Variants in TMEM233 observed in about 807,000 individuals in gnomAD.
TMEM233 encodes dispanin subfamily B member 2.
A neutral mutation model predicts 11.2 loss-of-function variants in TMEM233; 6 were observed. That is an observed-to-expected ratio of 0.54 (90% CI 0.29 to 1.06). The LOEUF (loss-of-function observed/expected upper bound fraction) is 1.06, where lower values mean the gene tolerates loss of function less well. TMEM233 is among the 50% of genes least tolerant of loss of function. The pLI, the probability that TMEM233 is intolerant of heterozygous loss-of-function variation, is 0.08. For synonymous variants in TMEM233, 59 were observed against 55.8 expected, an observed-to-expected ratio of 1.06 and a Z score of -0.26; for missense variants, 127 against 144.7, an observed-to-expected ratio of 0.88 and a Z score of 0.63.
At chr12:119,609,474 G>A (rs905454208) in intron 1 of TMEM233, among the ~76,000 whole-genome samples, 11 of 152,188 alleles carry the variant, frequency 7.2e-5, no homozygotes, top group Admixed American at 2.0e-4. Context: ...TGGGCAAAAT[G>A]TCTCCAGGGC....
At chr12:119,618,551 A>G (rs1954581040) in intron 1 of TMEM233, among the ~76,000 whole-genome samples, 1 of 152,230 alleles carries the variant, frequency 6.6e-6, no homozygotes, top group African/African-American at 2.4e-5. Context: ...AGGCCATGGG[A>G]ACACACCTCT....
rs1041490529 is a variant in TMEM233 at position 119,594,591 on chromosome 12, G to T, written c.186+557G>T. On this transcript the variant is annotated intron_variant, in intron 1 of 2. Transcript: ENST00000426426. The surrounding 1 kb of genome is among the most constrained non-coding windows in gnomAD (Gnocchi z 5.6). ...CACCGCTTCCGCCACTCTCCGGGGG[G>T]TCCCCAGGCGATTCCTGATGCCCCC... 15 of 153,668 alleles carry T rather than the reference G, an allele frequency of 9.8e-5. No homozygotes were observed. Among genetic ancestry groups the T allele is most frequent in the African/African-American group, 3.6e-4 (15 of 41,456 alleles). The allele number at this position is 153,668 out of a possible 1,614,324, so 9.5% of individuals were successfully genotyped here. A position where few individuals can be genotyped will look rare whatever the true frequency, so the allele number is the denominator to read the frequency against.
At chr12:119,639,179 A>G (rs1955030433) in intron 2 of TMEM233, among the ~76,000 whole-genome samples, 1 of 152,136 alleles carries the variant, frequency 6.6e-6, no homozygotes, top group Non-Finnish European at 1.5e-5. Context: ...CAAAGAGACT[A>G]TCCCTTTAGC....
rs148033911 is a variant in TMEM233, at chr12:119,597,752, A to G, written c.186+3718A>G. ...ACATGTCATGTGGTATTGGATGTTG[A>G]TGGGTCAAGCATTGTCAGGGACACA... On this transcript the variant is annotated intron_variant, in intron 1 of 2. Transcript: ENST00000426426. 2.6e-5 allele frequency among the ~76,000 whole-genome samples: 4 copies of G among 152,282 alleles called. No individual in the cohort carries two copies. The East Asian group carries it at 7.7e-4, about 29-fold the overall frequency.
At position 119,594,619 on chromosome 12, in the gene TMEM233, C is replaced by T. The variant is rs1953995692; in HGVS notation, c.186+585C>T. 1 of 153,232 alleles carries T rather than the reference C, an allele frequency of 6.5e-6. No individual in the cohort carries two copies. The highest frequency in any genetic ancestry group is 6.5e-5 in the Admixed American group (1 of 15,332). 9.5% of individuals were successfully genotyped at this position (153,232 alleles called of 1,614,324 possible). A position where few individuals can be genotyped will look rare whatever the true frequency, so the allele number is the denominator to read the frequency against. Reference sequence around the variant, plus strand: ...CCCAGGCGATTCCTGATGCCCCCTCCTTGATCCCGTTTCCGCGCTTTGGCA... The same window carrying T: ...CCCAGGCGATTCCTGATGCCCCCTCTTTGATCCCGTTTCCGCGCTTTGGCA... On this transcript the variant is annotated intron_variant, in intron 1 of 2. Transcript: ENST00000426426. This position sits in a 1 kb window ranked among gnomAD's most constrained non-coding sequence, Gnocchi z 5.6.
chr12:119,640,600 GTCA>G, intron 2 of TMEM233, 96 bp from the exon 3 acceptor site: 2 of 1,344,364 alleles, frequency 1.5e-6, no homozygotes, highest in Non-Finnish European at 2.1e-6. Context: ...TTTAACCAGA[GTCA>G]TCATCATCAA....
intron 2 of TMEM233, chr12:119,631,455 T>A (rs1221779580): frequency 1.0e-6 from 1 of 971,374 alleles, no homozygotes; most frequent in African/African-American, 1.8e-5. Flanking sequence ...AAAACAGAAG[T>A]GTCACAAAAG....
downstream of TMEM233, among the ~76,000 whole-genome samples, chr12:119,644,709 C>G (rs942853201): frequency 6.6e-6 from 1 of 152,048 alleles, no homozygotes; most frequent in Non-Finnish European, 1.5e-5. Flanking sequence ...GAACTCCTGA[C>G]CTCAGGTGAT....
In TMEM233 at chr12:119,604,993, A is replaced by ACTCT. The variant is rs1414509847; in HGVS notation, c.186+10961_186+10962insCTCT. Among the ~76,000 whole-genome samples, 6 of 98,664 alleles carry ACTCT rather than the reference A, an allele frequency of 6.1e-5. 1 individual carries two copies. Among genetic ancestry groups the ACTCT allele is most frequent in the Admixed American group, 3.7e-4 (4 of 10,830 alleles). The allele number at this position is 98,664 out of a possible 152,430, so 64.7% of individuals were successfully genotyped here. On this transcript the variant is annotated intron_variant, in intron 1 of 2. Transcript: ENST00000426426. ...CTTTTGCTAATTTCCTTCTTCCCTC[A>ACTCT]CTATCTTTTTTTTTTTTTTGCCACG...
rs1221911037 is a variant in TMEM233, at chr12:119,640,680, C to T, written c.324-19C>T. The T allele has an allele frequency of 6.5e-7, 1 of 1,549,920 alleles. No homozygotes were observed. The highest frequency in any genetic ancestry group is 8.7e-7 in the Non-Finnish European group (1 of 1,146,908). ...CAGCCCACGGTCTTTCTCTCTCTCT[C>T]TCTGTCTGTACCACACAGTGCCTGA... On this transcript the variant is annotated intron_variant, in intron 2 of 2. Coordinates refer to ENST00000426426, the MANE Select transcript of TMEM233 (RefSeq NM_001136534.3).
Position 119,595,216 on chromosome 12 carries a change from C to T in TMEM233, c.186+1182C>T, listed in dbSNP as rs550343266. Among the ~76,000 whole-genome samples the T allele has an allele frequency of 1.1e-4, 16 of 152,206 alleles. No individual in the cohort carries two copies. Among genetic ancestry groups the T allele is most frequent in the African/African-American group, 3.4e-4 (14 of 41,450 alleles). On this transcript the variant is annotated intron_variant, in intron 1 of 2. Coordinates refer to ENST00000426426, the MANE Select transcript of TMEM233 (RefSeq NM_001136534.3). This position sits in a 1 kb window ranked among gnomAD's most constrained non-coding sequence, Gnocchi z 4.3. ...GGTGGCGGCGGGGTGAGGTTCGTAC[C>T]GGCACTGTCCCGGGACAACCCTTGC...
At chr12:119,599,559 C>T (rs1024145981) in intron 1 of TMEM233, among the ~76,000 whole-genome samples, 1 of 152,162 alleles carries the variant, frequency 6.6e-6, no homozygotes, top group Admixed American at 6.5e-5. Context: ...TGGGCATCAA[C>T]TAATTTTACG....
Position 119,593,783 on chromosome 12 carries a change from C to A in TMEM233, c.-66C>A. The A allele has an allele frequency of 6.8e-7, 1 of 1,466,442 alleles. No homozygotes were observed. The highest frequency in any genetic ancestry group is 9.1e-7 in the Non-Finnish European group (1 of 1,094,366). The allele number at this position is 1,466,442 out of a possible 1,614,324, so 90.8% of individuals were successfully genotyped here. Reference sequence around the variant, plus strand: ...TTTTCAGAGCCTCGCCACAAGCCGGCGGCCAGAGCCCCAGACCACACAGAC... The same window carrying A: ...TTTTCAGAGCCTCGCCACAAGCCGGAGGCCAGAGCCCCAGACCACACAGAC... On this transcript the variant is annotated 5_prime_UTR_variant, in exon 1 of 3. Transcript: ENST00000426426. This position sits in a 1 kb window ranked among gnomAD's most constrained non-coding sequence, Gnocchi z 4.1.
chr12:119,613,860 C>T (rs1409125419), intron 1 of TMEM233, among the ~76,000 whole-genome samples: 1 of 152,018 alleles, frequency 6.6e-6, no homozygotes, highest in African/African-American at 2.4e-5. Context: ...AAGGTGCCAA[C>T]AGGTCAGCCA....
chr12:119,623,556 A>G (rs1235412559), intron 1 of TMEM233, among the ~76,000 whole-genome samples: 3 of 147,148 alleles, frequency 2.0e-5, no homozygotes, highest in Non-Finnish European at 4.5e-5. Context: ...AAAAATACAA[A>G]AAAAAAAAAA....
At chr12:119,649,278 A>G in the TMEM233 span, among the ~76,000 whole-genome samples, 1 of 152,198 alleles carries the variant, frequency 6.6e-6, no homozygotes, top group Non-Finnish European at 1.5e-5. Flanking sequence ...AGCCTGGGCC[A>G]CAAGAGCAAA....
chr12:119,644,120 C>T (rs532179595), downstream of TMEM233, among the ~76,000 whole-genome samples: 4 of 152,242 alleles, frequency 2.6e-5, no homozygotes, highest in East Asian at 1.9e-4. Context: ...AACCAGAAAC[C>T]GACCTATCAA....
intron 1 of TMEM233, among the ~76,000 whole-genome samples, chr12:119,612,159 A>G (rs1415429486): frequency 1.3e-5 from 2 of 151,906 alleles, no homozygotes; most frequent in Non-Finnish European, 1.5e-5. Flanking sequence ...ATGCCCGGCT[A>G]ATTTTTTGCA....
chr12:119,622,514 A>G (rs1320472729), intron 1 of TMEM233, among the ~76,000 whole-genome samples: 1 of 152,198 alleles, frequency 6.6e-6, no homozygotes, highest in Non-Finnish European at 1.5e-5. Context: ...CATTTTCTCT[A>G]AAATCCATTT....
Sources: allele counts gnomAD v4.1 joint callset (sites outside exome capture counted in the v4.1 genomes callset), GRCh38; gene constraint gnomAD v4.1.1; non-coding constraint Gnocchi (gnomAD v3.1); transcripts MANE v1.5; gene names NCBI Gene and HGNC (gene_info 2026-07-23, HGNC 2026-07-21).